CD8B: variants seen among roughly 807,000 people sequenced by gnomAD.
CD8B encodes T-cell surface glycoprotein CD8 beta chain.
CD8B carries 6 observed loss-of-function variants against 24.2 expected under a neutral mutation model. That is an observed-to-expected ratio of 0.25 (90% CI 0.14 to 0.49). The LOEUF (loss-of-function observed/expected upper bound fraction) is 0.49. Ranked by LOEUF, CD8B falls within the 20% of genes least tolerant of loss-of-function variation. CD8B has a pLI of 0.98. For synonymous variants in CD8B, 84 were observed against 108.3 expected, an observed-to-expected ratio of 0.78 and a Z score of 1.39; for missense variants, 196 against 271.3, an observed-to-expected ratio of 0.72 and a Z score of 1.95.
chr2:86,854,985 G>T (rs1257080135), intron 2 of CD8B, among the ~76,000 whole-genome samples: 1 of 152,076 alleles, frequency 6.6e-6, no homozygotes, highest in East Asian at 1.9e-4. Context: ...GTTGGGCGTG[G>T]TGGCACGTGC....
intron 5 of CD8B, 73 bp from the exon 6 acceptor site, chr2:86,842,392 A>C: frequency 1.3e-6 from 2 of 1,589,078 alleles, no homozygotes; most frequent in Non-Finnish European, 8.6e-7. Flanking sequence ...AACAGAGACA[A>C]ATGGCAAATG....
At chr2:86,816,528 T>G (rs1674252620) in intron 5 of CD8B, among the ~76,000 whole-genome samples, 1 of 152,162 alleles carries the variant, frequency 6.6e-6, no homozygotes, top group Admixed American at 6.5e-5. Flanking sequence ...ATTTATAAAC[T>G]CTAGTAATTT....
chr2:86,841,987 C>T lies in CD8B; in HGVS notation c.*320G>A. 9.0e-7 allele frequency: 1 copy of T among 1,110,988 alleles called. No individual in the cohort carries two copies. Among genetic ancestry groups the T allele is most frequent in the African/African-American group, 1.6e-5 (1 of 61,174 alleles). The allele number at this position is 1,110,988 out of a possible 1,614,324, so 68.8% of individuals were successfully genotyped here. ...TGCAAAGATGGTGGCTAAATGGCCA[C>T]CACTAAAGGTCCCAGTTCAGGGAAA... On this transcript the variant is annotated 3_prime_UTR_variant, in exon 6 of 6. Transcript: ENST00000390655.
At chr2:86,853,963 ACTC>A (rs1372019309) in intron 2 of CD8B, among the ~76,000 whole-genome samples, 1 of 151,232 alleles carries the variant, frequency 6.6e-6, no homozygotes, top group African/African-American at 2.4e-5. Context: ...CTGGTCTTGA[ACTC>A]CTGATCTCAG....
chr2:86,829,356 C>G (rs974296060), intron 5 of CD8B, among the ~76,000 whole-genome samples: 2 of 152,110 alleles, frequency 1.3e-5, no homozygotes. Flanking sequence ...CTGCCTGTCT[C>G]AGCCTCTCAA....
At chr2:86,850,537 T>C (rs1675923157) in intron 3 of CD8B, among the ~76,000 whole-genome samples, 1 of 152,150 alleles carries the variant, frequency 6.6e-6, no homozygotes, top group African/African-American at 2.4e-5. Flanking sequence ...CTGAGGTTCA[T>C]AGAGGCTGAA....
At chr2:86,834,467 T>TACACACACACACACACACACACAC (rs59177290), downstream of CD8B, among the ~76,000 whole-genome samples, 4,299 of 146,400 alleles carry the variant, frequency 0.029, 35 homozygotes, top group Non-Finnish European at 0.041. Flanking sequence ...TTTCTTCTCT[T>TACACACACACACACACACACACAC]ACACACACAC....
intron 2 of CD8B, 74 bp downstream of exon 2, chr2:86,857,983 C>T: frequency 6.7e-7 from 1 of 1,494,546 alleles, no homozygotes; most frequent in Non-Finnish European, 9.2e-7. Flanking sequence ...ACACTGAAGC[C>T]TGGTGGTCCC....
Position 86,858,039 on chromosome 2 carries a change from A to G in CD8B, c.403+18T>C. Reference sequence around the variant, plus strand: ...CACACAATCGGTGCTCACTGATAGCATTGAGCCTGCTTCTTACCCACACTC... The same window carrying G: ...CACACAATCGGTGCTCACTGATAGCGTTGAGCCTGCTTCTTACCCACACTC... On this transcript the variant is annotated intron_variant, in intron 2 of 5. Coordinates refer to ENST00000390655, the MANE Select transcript of CD8B (RefSeq NM_004931.5). 1 of 1,612,302 alleles carries G rather than the reference A, an allele frequency of 6.2e-7. No homozygotes were observed. Among genetic ancestry groups the G allele is most frequent in the Non-Finnish European group, 8.5e-7 (1 of 1,178,608 alleles).
chr2:86,833,877 C>A (rs1675057866), downstream of CD8B, among the ~76,000 whole-genome samples: 1 of 151,930 alleles, frequency 6.6e-6, no homozygotes, highest in Non-Finnish European at 1.5e-5. Flanking sequence ...TCTCAAACTC[C>A]TGACCTCGTG....
At chr2:86,842,450 T>A in intron 5 of CD8B, 131 bp from the exon 6 acceptor site, 1 of 1,190,624 alleles carries the variant, frequency 8.4e-7, no homozygotes, top group Non-Finnish European at 1.2e-6. Flanking sequence ...GAGTTTTTTG[T>A]TAGTATGTTT....
In CD8B at chr2:86,833,026, C is replaced by G. The variant is rs777062655; in HGVS notation, c.620+11896G>C. 3.8e-4 allele frequency: 154 copies of G among 400,924 alleles called. 4 individuals are homozygous for G. The highest frequency in any genetic ancestry group is 2.4e-3 in the Middle Eastern group (7 of 2,870). 24.8% of individuals were successfully genotyped at this position (400,924 alleles called of 1,614,324 possible). ...TCTTCTCTCTCTCCCTCTTTCCCCT[C>G]CACCCTTCCTCTTGCTGCAGCCTCC... On this transcript the variant is annotated intron_variant, in intron 5 of 5. Coordinates refer to the CD8B transcript ENST00000331469.
intron 3 of CD8B, among the ~76,000 whole-genome samples, chr2:86,851,673 C>T (rs1675982205): frequency 6.6e-6 from 1 of 152,200 alleles, no homozygotes; most frequent in African/African-American, 2.4e-5. Context: ...CAGTGCGAGG[C>T]AGTGCTCCAG....
chr2:86,830,251 T>C (rs761915315), intron 5 of CD8B, among the ~76,000 whole-genome samples: 4 of 152,158 alleles, frequency 2.6e-5, no homozygotes, highest in Non-Finnish European at 5.9e-5. Flanking sequence ...GTTTTCAATA[T>C]GCTTACAATA....
intron 2 of CD8B, among the ~76,000 whole-genome samples, chr2:86,854,886 C>T (rs867164953): frequency 5.9e-5 from 9 of 151,970 alleles, no homozygotes; most frequent in Admixed American, 1.3e-4. Context: ...TTTGGGAGGC[C>T]GAGGCAGGCA....
At chr2:86,859,682 T>G (rs181635401) in intron 1 of CD8B, among the ~76,000 whole-genome samples, 1 of 151,114 alleles carries the variant, frequency 6.6e-6, no homozygotes, top group Non-Finnish European at 1.5e-5. Flanking sequence ...CAATCTGACC[T>G]GGTGAGCCCT....
At chr2:86,827,239 CTTT>C (rs1278482898) in intron 5 of CD8B, among the ~76,000 whole-genome samples, 2 of 150,256 alleles carry the variant, frequency 1.3e-5, no homozygotes, top group Non-Finnish European at 2.9e-5. Context: ...GCAAGGACTT[CTTT>C]TGAGTTAAAA....
intron 5 of CD8B, chr2:86,844,523 A>C: frequency 2.5e-6 from 2 of 793,636 alleles, no homozygotes; most frequent in Non-Finnish European, 3.6e-6. Flanking sequence ...GCAAAGCCTG[A>C]TTGCTCTCCT....
intron 5 of CD8B, chr2:86,822,395 A>T: frequency 6.7e-7 from 1 of 1,482,122 alleles, no homozygotes; most frequent in Non-Finnish European, 9.4e-7. Context: ...TAGAGTATGA[A>T]CAGAGATGTT....
Sources: gnomAD v4.1 joint callset for allele counts (sites outside exome capture counted in the v4.1 genomes callset) on GRCh38, gnomAD v4.1.1 for gene constraint, MANE v1.5 for transcripts, NCBI Gene and HGNC (gene_info 2026-07-23, HGNC 2026-07-21) for gene names.